Variants in SEMA3E observed in about 807,000 individuals in gnomAD.
SEMA3E encodes the protein semaphorin 3E, also known as semaphorin-3E.
Under a neutral mutation model 93.6 loss-of-function variants are expected in SEMA3E, and 49 were observed. The observed-to-expected ratio is 0.52, with a 90% CI of 0.42 to 0.66. The LOEUF (loss-of-function observed/expected upper bound fraction) is 0.66. Among genes scored for constraint, SEMA3E ranks in the 30% least tolerant of loss-of-function variants. The probability of loss-of-function intolerance (pLI) is 0.00; values close to 1 mark genes in which losing one functional copy is unlikely to be tolerated. For synonymous variants in SEMA3E, 363 were observed against 330.7 expected (o/e 1.10, Z -1.06); for missense variants, 906 against 964.8 (o/e 0.94, Z 0.81).
At chr7:83,517,092 C>T (rs1790944529) in intron 1 of SEMA3E, among the ~76,000 whole-genome samples, 1 of 152,088 alleles carries the variant, frequency 6.6e-6, no homozygotes, top group South Asian at 2.1e-4. Context: ...TTTAGTATTC[C>T]TATACCAAGT....
At chr7:83,404,679 T>A (rs1016282796) in intron 9 of SEMA3E, among the ~76,000 whole-genome samples, 1 of 151,892 alleles carries the variant, frequency 6.6e-6, no homozygotes, top group Non-Finnish European at 1.5e-5. Flanking sequence ...GGGAAAACAA[T>A]AGATTATACA....
intron 1 of SEMA3E, among the ~76,000 whole-genome samples, chr7:83,593,605 C>A (rs1385511728): frequency 6.6e-6 from 1 of 151,786 alleles, no homozygotes; most frequent in Non-Finnish European, 1.5e-5. Context: ...AGACTGAGGC[C>A]ACCACAAGGA....
chr7:83,500,103 A>G (rs532985698), intron 1 of SEMA3E, among the ~76,000 whole-genome samples: 1 of 152,330 alleles, frequency 6.6e-6, no homozygotes, highest in Admixed American at 6.5e-5. Context: ...AATATATATG[A>G]ACTACTGTGG....
intron 1 of SEMA3E, among the ~76,000 whole-genome samples, chr7:83,545,319 A>G (rs547409104): frequency 1.3e-5 from 2 of 151,954 alleles, no homozygotes; most frequent in Non-Finnish European, 2.9e-5. Context: ...TCCTGGGGCC[A>G]TGCCTTCCCC....
At chr7:83,510,255 C>A (rs1389910763) in intron 1 of SEMA3E, among the ~76,000 whole-genome samples, 1 of 152,158 alleles carries the variant, frequency 6.6e-6, no homozygotes, top group African/African-American at 2.4e-5. Flanking sequence ...CTCATAGACC[C>A]TTTTTATAGA....
intron 1 of SEMA3E, among the ~76,000 whole-genome samples, chr7:83,508,681 C>T (rs1204396370): frequency 6.6e-6 from 1 of 152,136 alleles, no homozygotes; most frequent in African/African-American, 2.4e-5. Context: ...TAGCATAGTA[C>T]ATCTGACATT....
chr7:83,391,246 TATGCATTGCTC>T (rs1189242833), intron 14 of SEMA3E, among the ~76,000 whole-genome samples: 2 of 152,140 alleles, frequency 1.3e-5, no homozygotes, highest in Non-Finnish European at 2.9e-5. Context: ...TAAAGTATTA[TATGCATTGCTC>T]TTAATCCAAT....
At chr7:83,617,156 T>A (rs1048313877) in intron 1 of SEMA3E, among the ~76,000 whole-genome samples, 1 of 152,102 alleles carries the variant, frequency 6.6e-6, no homozygotes, top group African/African-American at 2.4e-5. Flanking sequence ...TAATTTAAAA[T>A]GTTTTGTAGC....
At chr7:83,429,242 T>C (rs1788834592) in intron 4 of SEMA3E, among the ~76,000 whole-genome samples, 1 of 152,208 alleles carries the variant, frequency 6.6e-6, no homozygotes, top group South Asian at 2.1e-4. Flanking sequence ...TCAATTGTCT[T>C]ATTCCTAAAA....
chr7:83,558,684 G>A (rs77665932), intron 1 of SEMA3E, among the ~76,000 whole-genome samples: 6,421 of 151,934 alleles, frequency 0.042, 371 homozygotes, highest in African/African-American at 0.13. Context: ...TGGCTAAGAA[G>A]CAATGCTACA....
chr7:83,392,771 T>C (rs774577963), intron 13 of SEMA3E, 50 bp from the exon 14 acceptor site: 2 of 1,542,830 alleles, frequency 1.3e-6, no homozygotes, highest in East Asian at 2.2e-5. Context: ...AAACTTTCAC[T>C]GAGCTATTAC....
intron 2 of SEMA3E, among the ~76,000 whole-genome samples, chr7:83,479,366 A>G (rs914262501): frequency 5.9e-5 from 9 of 152,200 alleles, no homozygotes; most frequent in African/African-American, 1.9e-4. Flanking sequence ...CCTATGGCAC[A>G]TGTATATCTA....
At chr7:83,639,236 G>C (rs1216979359) in intron 1 of SEMA3E, among the ~76,000 whole-genome samples, 1 of 150,396 alleles carries the variant, frequency 6.6e-6, no homozygotes, top group African/African-American at 2.4e-5. Context: ...CACACTCTGT[G>C]TAGCATTCAT....
At chr7:83,559,038 G>T (rs1034612837) in intron 1 of SEMA3E, among the ~76,000 whole-genome samples, 4 of 151,938 alleles carry the variant, frequency 2.6e-5, no homozygotes, top group Admixed American at 1.3e-4. Flanking sequence ...AAACCATTTT[G>T]GTGTTGTGTT....
At chr7:83,546,344 G>C (rs1003783673) in intron 1 of SEMA3E, among the ~76,000 whole-genome samples, 20 of 149,164 alleles carry the variant, frequency 1.3e-4, no homozygotes, top group Non-Finnish European at 2.2e-4. Context: ...GTGTGTGTGT[G>C]TGTGTGTGTG....
chr7:83,584,035 G>A (rs1469254645), intron 1 of SEMA3E, among the ~76,000 whole-genome samples: 1 of 152,024 alleles, frequency 6.6e-6, no homozygotes, highest in Non-Finnish European at 1.5e-5. Flanking sequence ...TGTGAAATTA[G>A]GTAATAAATG....
At chr7:83,527,776 TG>T (rs904066840) in intron 1 of SEMA3E, among the ~76,000 whole-genome samples, 1 of 44,600 alleles carries the variant, frequency 2.2e-5, no homozygotes, top group Admixed American at 1.9e-4. Flanking sequence ...AGAATTTTTG[TG>T]ATTTTTTTTT....
At chr7:83,549,088 C>T (rs1791709229) in intron 1 of SEMA3E, among the ~76,000 whole-genome samples, 1 of 152,074 alleles carries the variant, frequency 6.6e-6, no homozygotes. Context: ...TCATATTAAA[C>T]AATATTTCAT....
At chr7:83,480,597 T>C (rs1790125126) in intron 2 of SEMA3E, among the ~76,000 whole-genome samples, 1 of 152,148 alleles carries the variant, frequency 6.6e-6, no homozygotes, top group Non-Finnish European at 1.5e-5. Flanking sequence ...TTTGTAGTTA[T>C]TATTTTTGTT....
Sources: gnomAD v4.1 joint callset for allele counts (sites outside exome capture counted in the v4.1 genomes callset) on GRCh38, gnomAD v4.1.1 for gene constraint, MANE v1.5 for transcripts, NCBI Gene and HGNC (gene_info 2026-07-23, HGNC 2026-07-21) for gene names.